Variants in ROBO2 observed in about 807,000 individuals in gnomAD.
ROBO2 encodes the protein roundabout guidance receptor 2, also known as roundabout homolog 2.
ROBO2 carries 53 observed loss-of-function variants against 160.8 expected under a neutral mutation model. That is an observed-to-expected ratio of 0.33 (90% confidence interval 0.26 to 0.41). The LOEUF is 0.41. Among genes scored for constraint, ROBO2 ranks in the 10% least tolerant of loss-of-function variants. The pLI is 1.00. For synonymous variants in ROBO2, 664 were observed against 611.7 expected (o/e 1.09, Z -1.26); for missense variants, 1,577 against 1,722.4 (o/e 0.92, Z 1.49).
chr3:77,459,666 G>A (rs2153569955), intron 2 of ROBO2, among the ~76,000 whole-genome samples: 1 of 152,292 alleles, frequency 6.6e-6, no homozygotes, highest in South Asian at 2.1e-4. Flanking sequence ...CCTAACAGGG[G>A]AAACTGAAGA....
intron 2 of ROBO2, among the ~76,000 whole-genome samples, chr3:77,428,972 T>A (rs1486896147): frequency 6.6e-6 from 1 of 152,216 alleles, no homozygotes; most frequent in Non-Finnish European, 1.5e-5. Flanking sequence ...TATAGAATTT[T>A]GATTTATTTT....
At position 76,053,565 on chromosome 3, in the gene ROBO2, A is replaced by C. The variant is rs193140058; in HGVS notation, c.109+115963A>C. Among the ~76,000 whole-genome samples, 970 of 152,194 alleles carry C rather than the reference A, an allele frequency of 6.4e-3. 19 individuals are homozygous for C. The highest frequency in any genetic ancestry group is 0.022 in the African/African-American group (910 of 41,576). ...AACATTTCTTTATATTTAAACAATTATTTCATATAAATAGAAGTCAAAAGA... is the reference window on the plus strand; with the variant it reads ...AACATTTCTTTATATTTAAACAATTCTTTCATATAAATAGAAGTCAAAAGA... On this transcript the variant is annotated intron_variant, in intron 2 of 26. Transcript: ENST00000487694.
chr3:76,258,148 T>A (rs1706520661), intron 2 of ROBO2, among the ~76,000 whole-genome samples: 1 of 152,146 alleles, frequency 6.6e-6, no homozygotes, highest in East Asian at 1.9e-4. Flanking sequence ...TTATCAAAAC[T>A]AAACACTTTT....
chr3:76,182,484 T>G lies in ROBO2; in HGVS notation c.109+244882T>G, dbSNP rs1045426616. ...GTAGGCTCAATTCAGGATTAGGTTG[T>G]GTTACCCTACTTAGTGATTAGAACT... On this transcript the variant is annotated intron_variant, in intron 2 of 26. Transcript: ENST00000487694. 1.3e-4 allele frequency among the ~76,000 whole-genome samples: 20 copies of G among 152,258 alleles called. 2 individuals carry two copies. Among genetic ancestry groups the G allele is most frequent in the Admixed American group, 1.2e-3 (19 of 15,264 alleles).
At chr3:76,918,413 A>G (rs1379060487) in intron 2 of ROBO2, among the ~76,000 whole-genome samples, 2 of 152,144 alleles carry the variant, frequency 1.3e-5, no homozygotes, top group South Asian at 2.1e-4. Flanking sequence ...AGTCAATTAA[A>G]CCTCTTTTCT....
At chr3:77,598,861 G>A (rs1045663141) in intron 19 of ROBO2, among the ~76,000 whole-genome samples, 2 of 152,156 alleles carry the variant, frequency 1.3e-5, no homozygotes, top group Admixed American at 6.5e-5. Flanking sequence ...TTTTGTCAAT[G>A]AAGGAATAGC....
In ROBO2 at chr3:76,962,638, C is replaced by CAA. The variant is rs1318082985; in HGVS notation, c.110-135375_110-135374insAA. On this transcript the variant is annotated intron_variant, in intron 2 of 26. Transcript: ENST00000487694. ...GGGCAACAAGAGTGAAACTCGATCTCAGAAAAAAAAAAAAAAAAAAAAGCT... is the reference window on the plus strand; with the variant it reads ...GGGCAACAAGAGTGAAACTCGATCTCAAAGAAAAAAAAAAAAAAAAAAAAGCT... Among the ~76,000 whole-genome samples the CAA allele has an allele frequency of 3.2e-3, 158 of 50,002 alleles. 31 individuals carry two copies. The highest frequency in any genetic ancestry group is 0.013 in the Middle Eastern group (1 of 78). The allele number at this position is 50,002 out of a possible 152,430, so 32.8% of individuals were successfully genotyped here. A position where few individuals can be genotyped will look rare whatever the true frequency, so the allele number is the denominator to read the frequency against.
intron 2 of ROBO2, among the ~76,000 whole-genome samples, chr3:77,239,471 G>A (rs2088625523): frequency 1.3e-5 from 2 of 152,100 alleles, no homozygotes; most frequent in Admixed American, 6.5e-5. Context: ...TATTGCAAAG[G>A]GTGAAAGAAC....
chr3:76,402,540 G>A (rs1042690475), intron 2 of ROBO2, among the ~76,000 whole-genome samples: 1 of 151,400 alleles, frequency 6.6e-6, no homozygotes, highest in African/African-American at 2.4e-5. Flanking sequence ...CTCTGCTATT[G>A]GTCTCACCCA....
At chr3:76,544,411 T>A (rs1271829148) in intron 2 of ROBO2, among the ~76,000 whole-genome samples, 1 of 152,062 alleles carries the variant, frequency 6.6e-6, no homozygotes, top group Admixed American at 6.6e-5. Context: ...TTATTTATAT[T>A]AAAATGAATC....
chr3:76,239,165 T>C (rs1423602702), intron 2 of ROBO2, among the ~76,000 whole-genome samples: 1 of 152,084 alleles, frequency 6.6e-6, no homozygotes, highest in Non-Finnish European at 1.5e-5. Context: ...TTTGGTAGAA[T>C]GGTAGTTATA....
intron 2 of ROBO2, among the ~76,000 whole-genome samples, chr3:77,143,361 A>C (rs1231228525): frequency 6.6e-6 from 1 of 150,950 alleles, no homozygotes; most frequent in Non-Finnish European, 1.5e-5. Flanking sequence ...CACCCGGCTA[A>C]TTTTTTCTAT....
At chr3:76,898,418 T>C (rs1206114400) in intron 2 of ROBO2, among the ~76,000 whole-genome samples, 3 of 152,074 alleles carry the variant, frequency 2.0e-5, no homozygotes, top group Non-Finnish European at 2.9e-5. Context: ...ATGGCACATA[T>C]AATTTATAAA....
intron 2 of ROBO2, among the ~76,000 whole-genome samples, chr3:76,756,473 TA>T (rs1360456771): frequency 2.6e-5 from 4 of 151,844 alleles, no homozygotes; most frequent in Non-Finnish European, 5.9e-5. Context: ...GGTGAAAAAG[TA>T]GTATATACTT....
At chr3:76,658,753 G>T (rs965587489) in intron 2 of ROBO2, among the ~76,000 whole-genome samples, 1 of 152,058 alleles carries the variant, frequency 6.6e-6, no homozygotes, top group Non-Finnish European at 1.5e-5. Context: ...CATCTGGGTT[G>T]GTTCCAAGTC....
At chr3:75,965,894 C>T (rs1379866836) in intron 2 of ROBO2, among the ~76,000 whole-genome samples, 1 of 151,770 alleles carries the variant, frequency 6.6e-6, no homozygotes, top group Non-Finnish European at 1.5e-5. Context: ...GTATCTTAAT[C>T]TATCCAATTA....
At chr3:76,870,398 C>G (rs2071899225) in intron 2 of ROBO2, among the ~76,000 whole-genome samples, 1 of 152,184 alleles carries the variant, frequency 6.6e-6, no homozygotes, top group Non-Finnish European at 1.5e-5. Context: ...GGAATCTCTA[C>G]TTTTATAAGT....
intron 2 of ROBO2, among the ~76,000 whole-genome samples, chr3:76,739,543 G>A (rs563756763): frequency 9.9e-5 from 15 of 151,928 alleles, no homozygotes; most frequent in African/African-American, 2.9e-4. Context: ...TGACGAGTTG[G>A]TGCAGCACAC....
chr3:76,649,263 T>C (rs2091139794), intron 2 of ROBO2, among the ~76,000 whole-genome samples: 2 of 152,210 alleles, frequency 1.3e-5, no homozygotes, highest in South Asian at 2.1e-4. Flanking sequence ...GAATTAGCCA[T>C]GTTCAGAAAC....
Sources: gnomAD v4.1 joint callset for allele counts (sites outside exome capture counted in the v4.1 genomes callset) on GRCh38, gnomAD v4.1.1 for gene constraint, MANE v1.5 for transcripts, NCBI Gene and HGNC (gene_info 2026-07-23, HGNC 2026-07-21) for gene names.